ENAH: variants seen among roughly 807,000 people sequenced by gnomAD.
The protein encoded by ENAH is ENAH actin regulator, also known as protein enabled homolog.
A neutral mutation model predicts 78.7 loss-of-function variants in ENAH; 23 were observed. The observed-to-expected ratio is 0.29, with a 90% confidence interval of 0.21 to 0.41. ENAH has a LOEUF of 0.41. ENAH is among the 10% of genes least tolerant of loss of function. ENAH has a pLI of 1.00. For missense variants in ENAH, 544 were observed against 691.0 expected (o/e 0.79, Z 2.39); for synonymous variants, 226 against 241.0 (o/e 0.94, Z 0.58).
intron 3 of ENAH, among the ~76,000 whole-genome samples, chr1:225,539,066 A>C (rs2096576448): frequency 6.6e-6 from 1 of 152,200 alleles, no homozygotes; most frequent in Non-Finnish European, 1.5e-5. Flanking sequence ...CTACTTTAAC[A>C]CAATTAGCAT....
chr1:225,623,731 G>A (rs186375745), intron 1 of ENAH, among the ~76,000 whole-genome samples: 214 of 151,956 alleles, frequency 1.4e-3, no homozygotes, highest in African/African-American at 3.5e-3. Context: ...GATTACAGGC[G>A]CCTGCCACCA....
chr1:225,583,452 A>AAGAG (rs1553447815), intron 1 of ENAH, among the ~76,000 whole-genome samples: 1 of 148,950 alleles, frequency 6.7e-6, no homozygotes, highest in Non-Finnish European at 1.5e-5. Context: ...AAAAAAAAAA[A>AAGAG]AGAGAGAGAG....
intron 1 of ENAH, among the ~76,000 whole-genome samples, chr1:225,602,987 T>C (rs2096938210): frequency 6.7e-6 from 1 of 150,166 alleles, no homozygotes; most frequent in African/African-American, 2.4e-5. Flanking sequence ...AAAAAAAAAA[T>C]AAACTTGCTT....
chr1:225,600,913 G>A (rs149698089), intron 1 of ENAH, among the ~76,000 whole-genome samples: 1,529 of 152,056 alleles, frequency 0.01, 24 homozygotes, highest in Middle Eastern at 0.024. Flanking sequence ...ATATTAATTG[G>A]TAAAGCTATA....
intron 1 of ENAH, among the ~76,000 whole-genome samples, chr1:225,626,311 T>C (rs1657938090): frequency 6.6e-6 from 1 of 152,208 alleles, no homozygotes; most frequent in African/African-American, 2.4e-5. Flanking sequence ...AAGTACAAAC[T>C]GGGTATCGTT....
intron 1 of ENAH, among the ~76,000 whole-genome samples, chr1:225,597,604 G>T (rs1433853500): frequency 6.9e-6 from 1 of 144,742 alleles, no homozygotes; most frequent in Non-Finnish European, 1.5e-5. Context: ...GCTGCAGTTA[G>T]CCATGACTGC....
chr1:225,639,836 C>G (rs2657569), intron 1 of ENAH, among the ~76,000 whole-genome samples: 56,786 of 151,762 alleles, frequency 0.37, 11,602 homozygotes, highest in South Asian at 0.55. Context: ...ATAAAGATGA[C>G]TGAACACCAA....
At chr1:225,580,820 A>T (rs1001376213) in intron 1 of ENAH, among the ~76,000 whole-genome samples, 22 of 150,232 alleles carry the variant, frequency 1.5e-4, no homozygotes, top group Non-Finnish European at 1.9e-4. Flanking sequence ...GGGAGGCTGA[A>T]GCCTGGGAGG....
intron 3 of ENAH, among the ~76,000 whole-genome samples, chr1:225,537,676 CG>C (rs763469094): frequency 2.6e-5 from 4 of 151,362 alleles, no homozygotes; most frequent in South Asian, 4.2e-4. Flanking sequence ...ATAAACCTTA[CG>C]TTTTACCTAT....
rs1044929741 is a variant in ENAH at position 225,517,418 on chromosome 1, G to C, written c.803-112C>G. The C allele has an allele frequency of 7.7e-6, 12 of 1,551,710 alleles. No homozygotes were observed. The Admixed American group carries it at 2.2e-4, about 28-fold the overall frequency. ...CAGTGTGAGAGTGATGCGAGGGAAGGCAGTGGAGGCGGCGGCGGAGGAGCT... is the reference window on the plus strand; with the variant it reads ...CAGTGTGAGAGTGATGCGAGGGAAGCCAGTGGAGGCGGCGGCGGAGGAGCT... On this transcript the variant is annotated intron_variant, in intron 5 of 13. Coordinates refer to ENST00000366843, the MANE Select transcript of ENAH (RefSeq NM_018212.6).
At chr1:225,617,207 T>C (rs1655912860) in intron 1 of ENAH, among the ~76,000 whole-genome samples, 1 of 152,236 alleles carries the variant, frequency 6.6e-6, no homozygotes, top group South Asian at 2.1e-4. Context: ...TTTCCATCTG[T>C]CTTCCTTATA....
In ENAH at chr1:225,514,677, CA is replaced by C; in HGVS notation, c.1136del (p.Leu379TrpfsTer11). On this transcript the variant is annotated frameshift_variant, in exon 7 of 14. Coordinates refer to ENST00000366843, the MANE Select transcript of ENAH (RefSeq NM_018212.6). LOFTEE classifies it high-confidence loss of function. ...APPLPASGFF[L>X]ASMSEDNRPL... ...GGCGATTGTCTTCTGACATGGATGC[CA>C]AAAAGAATCCAGATGCAGGGAGGGG... 7.4e-7 allele frequency: 1 copy of C among 1,345,130 alleles called. No individual in the cohort carries two copies. Among genetic ancestry groups the C allele is most frequent in the Non-Finnish European group, 1.0e-6 (1 of 992,436 alleles). The allele number at this position is 1,345,130 out of a possible 1,614,324, so 83.3% of individuals were successfully genotyped here. A position where few individuals can be genotyped will look rare whatever the true frequency, so the allele number is the denominator to read the frequency against.
At position 225,507,832 on chromosome 1, in the gene ENAH, C is replaced by T. The variant is rs1575328884; in HGVS notation, c.1538+119G>A. The T allele has an allele frequency of 1.5e-5, 9 of 611,128 alleles. No individual in the cohort carries two copies. In the South Asian group the frequency reaches 1.8e-4, roughly 12 times the overall value. The allele number at this position is 611,128 out of a possible 1,614,324, so 37.9% of individuals were successfully genotyped here. ...TGGTTGTCCAATACTAGGAGGATCA[C>T]GAGAGTTTTATGGGCTCCTCTGTAT... On this transcript the variant is annotated intron_variant, in intron 11 of 13. Transcript: ENST00000366843.
chr1:225,523,320 G>A (rs2096483743), intron 4 of ENAH, among the ~76,000 whole-genome samples: 2 of 151,260 alleles, frequency 1.3e-5, no homozygotes, highest in Admixed American at 6.6e-5. Flanking sequence ...CAAGCAGAAG[G>A]CCAGGCATGG....
At chr1:225,591,294 C>A (rs2096874365) in intron 1 of ENAH, among the ~76,000 whole-genome samples, 1 of 152,028 alleles carries the variant, frequency 6.6e-6, no homozygotes, top group South Asian at 2.1e-4. Flanking sequence ...CATGGTGAAA[C>A]CCTGTCTTTA....
chr1:225,587,888 A>G (rs1171899364), intron 1 of ENAH, among the ~76,000 whole-genome samples: 19 of 152,198 alleles, frequency 1.2e-4, no homozygotes. Flanking sequence ...TGGAGAAAAG[A>G]TAATCTTTTC....
intron 1 of ENAH, among the ~76,000 whole-genome samples, chr1:225,572,208 G>C (rs527448945): frequency 6.6e-6 from 1 of 152,028 alleles, no homozygotes; most frequent in Non-Finnish European, 1.5e-5. Flanking sequence ...GACTGTTGAA[G>C]TAAGGAAAAA....
chr1:225,546,780 C>T (rs2096616080), intron 3 of ENAH, among the ~76,000 whole-genome samples: 2 of 152,138 alleles, frequency 1.3e-5, no homozygotes, highest in African/African-American at 2.4e-5. Flanking sequence ...TCAATCTGCC[C>T]AAAGAAACTG....
intron 1 of ENAH, among the ~76,000 whole-genome samples, chr1:225,644,380 C>G (rs1458976000): frequency 1.3e-5 from 2 of 152,066 alleles, no homozygotes; most frequent in African/African-American, 2.4e-5. Context: ...TAAATGAAAA[C>G]TTAAGATACA....
Sources: allele counts gnomAD v4.1 joint callset (sites outside exome capture counted in the v4.1 genomes callset), GRCh38; gene constraint gnomAD v4.1.1; transcripts MANE v1.5; gene names NCBI Gene and HGNC (gene_info 2026-07-23, HGNC 2026-07-21).